Variants in PBK observed in about 807,000 individuals in gnomAD.
The protein encoded by PBK is PDZ binding kinase.
A neutral mutation model predicts 33.5 loss-of-function variants in PBK; 22 were observed. The observed-to-expected ratio is 0.66, with a 90% CI of 0.47 to 0.94. The LOEUF is 0.94. Ranked by LOEUF, PBK falls within the 40% of genes least tolerant of loss-of-function variation. The pLI, the probability that PBK is intolerant of heterozygous loss-of-function variation, is 0.00. For synonymous variants in PBK, 129 were observed against 123.8 expected (o/e 1.04, Z -0.28); for missense variants, 376 against 383.4 (o/e 0.98, Z 0.16).
rs1160903950 is a variant in PBK, at chr8:27,809,843, C to T, written c.*462G>A. 1 of 154,236 alleles carries T rather than the reference C, an allele frequency of 6.5e-6. No homozygotes were observed. The highest frequency in any genetic ancestry group is 2.4e-5 in the African/African-American group (1 of 41,472). 9.6% of individuals were successfully genotyped at this position (154,236 alleles called of 1,614,324 possible). ...ATCCAAGGAGCTACTCTTTTTGAGG[C>T]ATATTCTCCTCAGCTTCCAGTTATC... On this transcript the variant is annotated 3_prime_UTR_variant, in exon 8 of 8. Transcript: ENST00000301905.
At chr8:27,831,743 C>T (rs12679863) in intron 2 of PBK, among the ~76,000 whole-genome samples, 23,919 of 152,038 alleles carry the variant, frequency 0.16, 2,389 homozygotes, top group East Asian at 0.37. Flanking sequence ...AGAATAACTT[C>T]ACACCAGTAC....
At chr8:27,820,203 C>G (rs772641567) in intron 6 of PBK, among the ~76,000 whole-genome samples, 4 of 152,140 alleles carry the variant, frequency 2.6e-5, no homozygotes, top group African/African-American at 4.8e-5. Context: ...CTACCAGTTT[C>G]CTAAATCTTG....
chr8:27,811,371 TTAG>T lies in PBK; in HGVS notation c.596-240_596-238del, dbSNP rs913742359. On this transcript the variant is annotated intron_variant, in intron 6 of 7. Coordinates refer to ENST00000301905, the MANE Select transcript of PBK (RefSeq NM_018492.4). ...AGAGAAACAGCAATTCTCTTACAAA[TTAG>T]TAGGAATATAGAATGTGGATGTTGA... The T allele has an allele frequency of 2.0e-5, 12 of 586,280 alleles. No individual in the cohort carries two copies. The Admixed American group carries it at 3.6e-4, about 18-fold the overall frequency. The allele number at this position is 586,280 out of a possible 1,614,324, so 36.3% of individuals were successfully genotyped here.
Position 27,833,082 on chromosome 8 carries a change from C to A in PBK, c.32G>T (p.Ser11Ile). The change falls in exon 2 of 8, where the codon AGC (serine) becomes ATC (isoleucine). Residue 11 changes from serine (S) to isoleucine (I), a missense_variant. Physicochemically the swap from Ser to Ile is moderately radical, Grantham distance 142 (BLOSUM62 -2). Transcript: ENST00000301905. ...AGATTTCTTTTTTTCTGATAATTTG[C>A]TTGGTGTCTTGAAATTACTGATCCC... MEGISNFKTP[S>I]KLSEKKKSVL... is the part of the protein sequence containing the mutation. 6.3e-7 allele frequency: 1 copy of A among 1,597,188 alleles called. No individual in the cohort carries two copies.
At position 27,827,623 on chromosome 8, in the gene PBK, C is replaced by A. The variant is rs117247336; in HGVS notation, c.152+482G>T. 1.4e-3 allele frequency among the ~76,000 whole-genome samples: 220 copies of A among 152,310 alleles called. 4 individuals are homozygous for A. The East Asian group carries it at 0.03, about 21-fold the overall frequency. On this transcript the variant is annotated intron_variant, in intron 3 of 7. Coordinates refer to ENST00000301905, the MANE Select transcript of PBK (RefSeq NM_018492.4). ...TTCGATTATTTCATTTTTCTTAACA[C>A]AATATTCCTACTTTAAAATCATGTA...
chr8:27,826,756 A>C (rs1436810957), intron 3 of PBK, among the ~76,000 whole-genome samples: 1 of 105,372 alleles, frequency 9.5e-6, no homozygotes, highest in African/African-American at 4.5e-5. Flanking sequence ...AGATCGCGCC[A>C]CTGCACTCCA....
chr8:27,825,750 T>G (rs745900622), intron 3 of PBK, among the ~76,000 whole-genome samples: 11 of 151,914 alleles, frequency 7.2e-5, no homozygotes, highest in Non-Finnish European at 1.3e-4. Context: ...TTTAAAAAGA[T>G]AATTAATTAA....
rs5890381 is a variant in PBK at position 27,826,795 on chromosome 8, CAA to C, written c.152+1308_152+1309del. On this transcript the variant is annotated intron_variant, in intron 3 of 7. Coordinates refer to ENST00000301905, the MANE Select transcript of PBK (RefSeq NM_018492.4). The stretch of plus-strand genomic sequence containing the variant: ...TGGGCGACAGAGCGAGACTCCGTCT[CAA>C]AAAAAAAAAAAAAAAAAAAGATCAG... Among the ~76,000 whole-genome samples the C allele has an allele frequency of 4.4e-3, 291 of 66,224 alleles. 4 individuals carry two copies. The highest frequency in any genetic ancestry group is 5.4e-3 in the Non-Finnish European group (201 of 36,902). The allele number at this position is 66,224 out of a possible 152,430, so 43.4% of individuals were successfully genotyped here.
rs754682271 is a variant in PBK at position 27,810,972 on chromosome 8, T to C, written c.758A>G (p.Asp253Gly). The C allele has an allele frequency of 1.3e-6, 2 of 1,595,350 alleles. No homozygotes were observed. Among genetic ancestry groups the C allele is most frequent in the Non-Finnish European group, 1.7e-6 (2 of 1,163,376 alleles). The change falls in exon 7 of 8, where the codon GAT becomes GGT. Residue 253 changes from aspartate (D) to glycine (G), a missense_variant. Transcript: ENST00000301905. ...TGTATTCATACCTTCATCATCATCATCATTTGAAAGATTAATGTGTGGAAT... is the reference window on the plus strand; with the variant it reads ...TGTATTCATACCTTCATCATCATCACCATTTGAAAGATTAATGTGTGGAAT... The part of the protein sequence containing the change: ...LSIPHINLSN[D>G]DDDEDKTFDE...
intron 1 of PBK, among the ~76,000 whole-genome samples, chr8:27,836,811 T>C (rs1337365800): frequency 6.6e-6 from 1 of 152,202 alleles, no homozygotes. Context: ...TATGTTCTCT[T>C]ACGACTGAGT....
chr8:27,834,595 C>G (rs1806192209), intron 1 of PBK, among the ~76,000 whole-genome samples: 1 of 152,068 alleles, frequency 6.6e-6, no homozygotes, highest in Non-Finnish European at 1.5e-5. Context: ...TAAAAATTGT[C>G]TATGAAAATA....
At chr8:27,830,281 G>T (rs1300999914) in intron 2 of PBK, among the ~76,000 whole-genome samples, 1 of 149,998 alleles carries the variant, frequency 6.7e-6, no homozygotes, top group Non-Finnish European at 1.5e-5. Flanking sequence ...TTAAAAATGT[G>T]CTCAATGATA....
intron 5 of PBK, among the ~76,000 whole-genome samples, chr8:27,821,597 C>T (rs143486199): frequency 2.0e-5 from 3 of 152,166 alleles, no homozygotes; most frequent in East Asian, 1.9e-4. Context: ...GTATATATAC[C>T]GACAGCTTAT....
intron 6 of PBK, among the ~76,000 whole-genome samples, chr8:27,819,308 T>G (rs1805875246): frequency 7.1e-6 from 1 of 140,410 alleles, no homozygotes; most frequent in South Asian, 2.3e-4. Context: ...GTCATTTTTT[T>G]CAATTTCAGT....
chr8:27,822,399 C>G lies in PBK; in HGVS notation c.385G>C (p.Glu129Gln). ...GEKSLNDLIE[E>Q]RYKASQDPFP... is the part of the protein sequence containing the mutation. ...GGATCTTGGCTGGCTTTATATCGTT[C>G]TTCTATTAAGTCATTTAGAGACTTT... Residue 129 changes from glutamate (E) to glutamine (Q), a missense_variant, in exon 5 of 8, where the codon GAA becomes CAA. Coordinates refer to ENST00000301905, the MANE Select transcript of PBK (RefSeq NM_018492.4). 6.2e-7 allele frequency: 1 copy of G among 1,613,150 alleles called. No homozygotes were observed. The highest frequency in any genetic ancestry group is 8.5e-7 in the Non-Finnish European group (1 of 1,179,406).
intron 3 of PBK, 51 bp from the exon 4 acceptor site, chr8:27,823,256 C>T (rs1805965937): frequency 2.5e-6 from 3 of 1,194,008 alleles, no homozygotes; most frequent in Non-Finnish European, 2.4e-6. Context: ...AACCACAATA[C>T]TTTTTAAAAT....
intron 1 of PBK, among the ~76,000 whole-genome samples, chr8:27,835,203 C>A (rs900541927): frequency 4.6e-5 from 7 of 152,098 alleles, no homozygotes; most frequent in African/African-American, 1.7e-4. Context: ...CTCAAAGGCC[C>A]AGCTTTAACT....
chr8:27,833,133 C>A lies in PBK; in HGVS notation c.-20G>T. Reference sequence around the variant, plus strand: ...TTCCATTGTGAAAGCCACTCTCAGTCCTACGATGAAAACAAATTGCAAGTT... The same window carrying A: ...TTCCATTGTGAAAGCCACTCTCAGTACTACGATGAAAACAAATTGCAAGTT... On this transcript the variant is annotated splice_region_variant and 5_prime_UTR_variant, in exon 2 of 8. Coordinates refer to ENST00000301905, the MANE Select transcript of PBK (RefSeq NM_018492.4). 1 of 1,529,986 alleles carries A rather than the reference C, an allele frequency of 6.5e-7. No homozygotes were observed. Among genetic ancestry groups the A allele is most frequent in the East Asian group, 2.3e-5 (1 of 44,156 alleles). 94.8% of individuals were successfully genotyped at this position (1,529,986 alleles called of 1,614,324 possible). A position where few individuals can be genotyped will look rare whatever the true frequency, so the allele number is the denominator to read the frequency against.
intron 6 of PBK, among the ~76,000 whole-genome samples, chr8:27,817,992 A>G (rs1230604484): frequency 6.6e-6 from 1 of 152,222 alleles, no homozygotes. Flanking sequence ...ATGTTTTAAT[A>G]TTAATGTAAA....
Sources: gnomAD v4.1 joint callset for allele counts (sites outside exome capture counted in the v4.1 genomes callset) on GRCh38, gnomAD v4.1.1 for gene constraint, MANE v1.5 for transcripts, NCBI Gene and HGNC (gene_info 2026-07-23, HGNC 2026-07-21) for gene names.